Variants in AGBL1 observed in about 807,000 individuals in gnomAD.
The protein encoded by AGBL1 is AGBL carboxypeptidase 1.
A neutral mutation model predicts 118.9 loss-of-function variants in AGBL1; 130 were observed. That is an observed-to-expected ratio of 1.09 (90% CI 0.95 to 1.26). The LOEUF (loss-of-function observed/expected upper bound fraction) is 1.26. Ranked by LOEUF, AGBL1 falls within the 50% of genes most tolerant of loss-of-function variation. AGBL1 has a pLI of 0.00. For missense variants in AGBL1, 1,584 were observed against 1,298.1 expected, an observed-to-expected ratio of 1.22 and a Z score of -3.38; for synonymous variants, 555 against 478.9, an observed-to-expected ratio of 1.16 and a Z score of -2.08.
chr15:86,212,410 A>T (rs1451818242), intron 5 of AGBL1, among the ~76,000 whole-genome samples: 2 of 152,212 alleles, frequency 1.3e-5, no homozygotes, highest in Non-Finnish European at 2.9e-5. Flanking sequence ...GAGCTGGATG[A>T]TATAAGGTGA....
intron 19 of AGBL1, among the ~76,000 whole-genome samples, chr15:86,530,132 C>G (rs12900460): frequency 9.5e-5 from 13 of 137,172 alleles, no homozygotes; most frequent in Admixed American, 6.1e-4. Context: ...TGTAAATGGA[C>G]TAAATTCTCC....
At chr15:86,803,961 C>T (rs1017821522) in intron 22 of AGBL1, among the ~76,000 whole-genome samples, 1 of 152,020 alleles carries the variant, frequency 6.6e-6, no homozygotes, top group African/African-American at 2.4e-5. Flanking sequence ...GCTAATTAAC[C>T]TTGGCATAGG....
chr15:86,279,870 C>A, intron 16 of AGBL1, 87 bp downstream of exon 16: 1 of 1,504,234 alleles, frequency 6.6e-7, no homozygotes, highest in South Asian at 1.2e-5. Flanking sequence ...CCCTGACATC[C>A]TGATGGGGTG....
intron 22 of AGBL1, among the ~76,000 whole-genome samples, chr15:86,779,123 C>T (rs1276465824): frequency 6.7e-6 from 1 of 149,282 alleles, no homozygotes; most frequent in Non-Finnish European, 1.5e-5. Flanking sequence ...CATCACCCTT[C>T]CTACGGATCG....
chr15:86,541,588 T>G (rs1479546354), intron 19 of AGBL1, among the ~76,000 whole-genome samples: 1 of 81,450 alleles, frequency 1.2e-5, no homozygotes, highest in Non-Finnish European at 2.2e-5. Context: ...AGTGAGACTA[T>G]GTCTCAAAAA....
At chr15:86,449,223 C>T (rs1281434011) in intron 18 of AGBL1, among the ~76,000 whole-genome samples, 1 of 152,182 alleles carries the variant, frequency 6.6e-6, no homozygotes, top group Non-Finnish European at 1.5e-5. Context: ...ACAGTGATAA[C>T]TGTGCCTGTT....
chr15:86,967,530 A>G (rs1279056119), intron 23 of AGBL1, among the ~76,000 whole-genome samples: 1 of 152,164 alleles, frequency 6.6e-6, no homozygotes, highest in African/African-American at 2.4e-5. Flanking sequence ...ATCCAGTTTC[A>G]GCTTTCTACA....
chr15:86,363,520 C>T (rs983673605), intron 17 of AGBL1, among the ~76,000 whole-genome samples: 1 of 152,180 alleles, frequency 6.6e-6, no homozygotes, highest in East Asian at 1.9e-4. Context: ...TTCTGGAAGC[C>T]CTCTCTTCCC....
intron 22 of AGBL1, among the ~76,000 whole-genome samples, chr15:86,875,984 A>C (rs953293476): frequency 9.8e-5 from 15 of 152,314 alleles, no homozygotes; most frequent in Admixed American, 1.3e-4. Flanking sequence ...CCCTTGACTC[A>C]TAAAACATCC....
intron 22 of AGBL1, among the ~76,000 whole-genome samples, chr15:86,835,222 G>T (rs550055016): frequency 1.3e-5 from 2 of 151,954 alleles, no homozygotes; most frequent in Non-Finnish European, 2.9e-5. Context: ...GAAGCAACTC[G>T]CTGGGATCAT....
chr15:86,211,430 G>T (rs571181909), intron 5 of AGBL1, among the ~76,000 whole-genome samples: 3 of 152,158 alleles, frequency 2.0e-5, no homozygotes, highest in Admixed American at 1.3e-4. Flanking sequence ...GTTCAGCTAC[G>T]CCCTGCCCCC....
At chr15:86,713,632 A>G (rs1247947822) in intron 22 of AGBL1, among the ~76,000 whole-genome samples, 2 of 152,150 alleles carry the variant, frequency 1.3e-5, no homozygotes, top group Non-Finnish European at 2.9e-5. Context: ...AGAAGACAGA[A>G]CTGTGCCCCA....
chr15:86,082,866 A>G (rs1471938878), intron 1 of AGBL1, among the ~76,000 whole-genome samples: 4 of 152,244 alleles, frequency 2.6e-5, no homozygotes, highest in Non-Finnish European at 5.9e-5. Flanking sequence ...GGCAGCCCAC[A>G]GCACAGGTGC....
chr15:86,981,175 A>ATAAG (rs2081228925), intron 23 of AGBL1, among the ~76,000 whole-genome samples: 1 of 152,144 alleles, frequency 6.6e-6, no homozygotes. Context: ...AAACATTCTT[A>ATAAG]TAAGTATACT....
chr15:86,738,420 G>GAA (rs71947851), intron 22 of AGBL1, among the ~76,000 whole-genome samples: 4 of 150,616 alleles, frequency 2.7e-5, no homozygotes, highest in East Asian at 1.9e-4. Context: ...ATCCAAATTG[G>GAA]AAAAAAAAAG....
At chr15:86,477,774 A>C (rs2082583639) in intron 18 of AGBL1, among the ~76,000 whole-genome samples, 1 of 152,182 alleles carries the variant, frequency 6.6e-6, no homozygotes, top group Non-Finnish European at 1.5e-5. Context: ...GCAGAGACAC[A>C]ACAAAAAAAG....
intron 4 of AGBL1, among the ~76,000 whole-genome samples, chr15:86,156,261 G>T (rs1460634679): frequency 6.6e-6 from 1 of 152,140 alleles, no homozygotes; most frequent in Non-Finnish European, 1.5e-5. Context: ...AGCTCAGGAT[G>T]TCGGCAGATT....
At chr15:86,568,890 T>C (rs961281512) in intron 21 of AGBL1, among the ~76,000 whole-genome samples, 2 of 152,144 alleles carry the variant, frequency 1.3e-5, no homozygotes, top group African/African-American at 4.8e-5. Flanking sequence ...TCCCAGAAAT[T>C]TTTTTAATGA....
intron 23 of AGBL1, among the ~76,000 whole-genome samples, chr15:86,928,800 T>C (rs1407144929): frequency 1.3e-5 from 2 of 152,240 alleles, no homozygotes; most frequent in Non-Finnish European, 2.9e-5. Context: ...ATATTTTACC[T>C]GTTTATTTTA....
Sources: gnomAD v4.1 joint callset for allele counts (sites outside exome capture counted in the v4.1 genomes callset) on GRCh38, gnomAD v4.1.1 for gene constraint, MANE v1.5 for transcripts, NCBI Gene and HGNC (gene_info 2026-07-23, HGNC 2026-07-21) for gene names.